The following FBH1 variants were observed in gnomAD, a reference collection of about 807,000 sequenced individuals.
The protein encoded by FBH1 is F-box DNA helicase 1, also known as DNA 3'-5' helicase 1.
Under a neutral mutation model 115.5 loss-of-function variants are expected in FBH1, and 43 were observed. The ratio of observed to expected loss-of-function variants is 0.37; its 90% CI spans 0.29 to 0.48. The LOEUF is 0.48. FBH1 is among the 20% of genes least tolerant of loss of function. The probability of loss-of-function intolerance (pLI) is 0.99; values close to 1 mark genes in which losing one functional copy is unlikely to be tolerated. For synonymous variants in FBH1, 524 were observed against 507.8 expected (o/e 1.03, Z -0.43); for missense variants, 1,001 against 1,337.3 (o/e 0.75, Z 3.92).
At position 5,913,919 on chromosome 10, in the gene FBH1, C is replaced by T; in HGVS notation, c.1304+80C>T. On this transcript the variant is annotated intron_variant, in intron 7 of 20. Transcript: ENST00000362091. The surrounding 1 kb of genome is among the most constrained non-coding windows in gnomAD (Gnocchi z 4.4). ...ACTTAAGGAGGGAGATGTTTTGCTTCACTTTAGCAACATCATTGAGGTTAA... is the reference window on the plus strand; with the variant it reads ...ACTTAAGGAGGGAGATGTTTTGCTTTACTTTAGCAACATCATTGAGGTTAA... 8.8e-7 allele frequency: 1 copy of T among 1,139,914 alleles called. No individual in the cohort carries two copies. The highest frequency in any genetic ancestry group is 1.3e-6 in the Non-Finnish European group (1 of 778,586). The allele number at this position is 1,139,914 out of a possible 1,614,324, so 70.6% of individuals were successfully genotyped here.
At chr10:5,930,650 T>G (rs1832916370) in intron 19 of FBH1, among the ~76,000 whole-genome samples, 1 of 152,230 alleles carries the variant, frequency 6.6e-6, no homozygotes, top group Admixed American at 6.5e-5. Context: ...GTGATGCTGA[T>G]TGCTCATCTT....
chr10:5,920,174 T>C (rs1832231359), intron 13 of FBH1, among the ~76,000 whole-genome samples: 1 of 152,264 alleles, frequency 6.6e-6, no homozygotes, highest in African/African-American at 2.4e-5. Context: ...CAGTCAGGCA[T>C]TTGTAGGCTG....
chr10:5,892,262 C>G (rs1279474526), intron 1 of FBH1, among the ~76,000 whole-genome samples: 1 of 151,968 alleles, frequency 6.6e-6, no homozygotes, highest in African/African-American at 2.4e-5. Context: ...CCTTGGCTGC[C>G]CTTCCTTTTC....
Position 5,910,787 on chromosome 10 carries a change from C to T in FBH1, c.1021-151C>T. On this transcript the variant is annotated intron_variant, in intron 5 of 20. Transcript: ENST00000362091. The surrounding 1 kb of genome is among the most constrained non-coding windows in gnomAD (Gnocchi z 4.8). ...CGAACAGAAGGGCTCCCCTGTTTCC[C>T]AAATACAACTTGGAAAGTTTGGATT... is the stretch of plus-strand genomic sequence containing the variant. 1 of 643,498 alleles carries T rather than the reference C, an allele frequency of 1.6e-6. No homozygotes were observed. The highest frequency in any genetic ancestry group is 4.3e-4 in the Middle Eastern group (1 of 2,306). The allele number at this position is 643,498 out of a possible 1,614,324, so 39.9% of individuals were successfully genotyped here. A position where few individuals can be genotyped will look rare whatever the true frequency, so the allele number is the denominator to read the frequency against.
In FBH1 at chr10:5,924,662, G is replaced by T; in HGVS notation, c.2596+154G>T. 1.3e-6 allele frequency: 1 copy of T among 758,396 alleles called. No homozygotes were observed. The allele number at this position is 758,396 out of a possible 1,614,324, so 47.0% of individuals were successfully genotyped here. A position where few individuals can be genotyped will look rare whatever the true frequency, so the allele number is the denominator to read the frequency against. On this transcript the variant is annotated intron_variant, in intron 17 of 20. Transcript: ENST00000362091. The surrounding 1 kb of genome is among the most constrained non-coding windows in gnomAD (Gnocchi z 6.2). Reference sequence around the variant, plus strand: ...GGCTCACTGCAATGCCCACCTTCTGGGTTCAAGCAATTATCCTGCCTCAGC... The same window carrying T: ...GGCTCACTGCAATGCCCACCTTCTGTGTTCAAGCAATTATCCTGCCTCAGC...
Position 5,906,233 on chromosome 10 carries a change from G to A in FBH1, c.354G>A (p.Pro118=), listed in dbSNP as rs147250809. Reference sequence around the variant, plus strand: ...GGCCGGGCTCACCAGGGTCTGCCCCGCCCTCCAGGAAGCGGTCTTGGTCCT... The same window carrying A: ...GGCCGGGCTCACCAGGGTCTGCCCCACCCTCCAGGAAGCGGTCTTGGTCCT... The part of the protein sequence containing the change: ...SAGPGSPGSA[P]PSRKRSWSSE... The change falls in exon 3 of 21, where the codon CCG becomes CCA. Residue 118 remains proline, a synonymous_variant. Coordinates refer to ENST00000362091, the MANE Select transcript of FBH1 (RefSeq NM_178150.3). This position sits in a 1 kb window ranked among gnomAD's most constrained non-coding sequence, Gnocchi z 7.3. 53 of 1,614,068 alleles carry A rather than the reference G, an allele frequency of 3.3e-5. No individual in the cohort carries two copies. Among genetic ancestry groups the A allele is most frequent in the Non-Finnish European group, 4.2e-5 (49 of 1,180,024 alleles).
At chr10:5,892,621 A>G (rs1046554287) in intron 1 of FBH1, among the ~76,000 whole-genome samples, 3 of 152,222 alleles carry the variant, frequency 2.0e-5, no homozygotes, top group Non-Finnish European at 4.4e-5. Context: ...ATGGTATTCC[A>G]CAGATAACTT....
At position 5,936,662 on chromosome 10, in the gene FBH1, G is replaced by T; in HGVS notation, c.2961+75G>T. ...TGTGAGCTCTGTGCTTATCTGGGTT[G>T]TAGGTGAGGAGATAAGAGAGAGCTG... On this transcript the variant is annotated intron_variant, in intron 20 of 20. Transcript: ENST00000362091. The surrounding 1 kb of genome is among the most constrained non-coding windows in gnomAD (Gnocchi z 5.6). The T allele has an allele frequency of 6.4e-7, 1 of 1,567,806 alleles. No individual in the cohort carries two copies. The highest frequency in any genetic ancestry group is 1.1e-5 in the South Asian group (1 of 89,218).
At chr10:5,893,809 G>A (rs1842863997) in intron 1 of FBH1, among the ~76,000 whole-genome samples, 2 of 152,186 alleles carry the variant, frequency 1.3e-5, no homozygotes, top group Non-Finnish European at 2.9e-5. Flanking sequence ...GATACCATAA[G>A]ACAAAGCTCT....
chr10:5,919,728 T>G (rs1012543978), intron 13 of FBH1, among the ~76,000 whole-genome samples: 4 of 152,238 alleles, frequency 2.6e-5, no homozygotes, highest in Non-Finnish European at 5.9e-5. Context: ...GTGATGTTAT[T>G]GAAAGTTCCG....
chr10:5,929,030 A>T (rs1403453036), intron 19 of FBH1, among the ~76,000 whole-genome samples: 2 of 152,126 alleles, frequency 1.3e-5, no homozygotes. Flanking sequence ...ACCACTTTTG[A>T]GTAAATGATA....
Position 5,917,511 on chromosome 10 carries a change from G to A in FBH1, c.1876+4G>A. ...GCGCACCAGATGACTCATGACGGTAGGCGGCTGCCGAATGGCGGGGACTGG... is the reference window on the plus strand; with the variant it reads ...GCGCACCAGATGACTCATGACGGTAAGCGGCTGCCGAATGGCGGGGACTGG... On this transcript the variant is annotated splice_donor_region_variant and intron_variant, in intron 11 of 20. Transcript: ENST00000362091. This position sits in a 1 kb window ranked among gnomAD's most constrained non-coding sequence, Gnocchi z 5.6. 6.2e-7 allele frequency: 1 copy of A among 1,614,180 alleles called. No homozygotes were observed. The highest frequency in any genetic ancestry group is 8.5e-7 in the Non-Finnish European group (1 of 1,180,004).
At chr10:5,894,533 G>C in intron 1 of FBH1, 1 of 834,448 alleles carries the variant, frequency 1.2e-6, no homozygotes, top group Non-Finnish European at 2.1e-6. Context: ...CTGAGCCCCA[G>C]CTTAATCATG....
Position 5,915,793 on chromosome 10 carries a change from T to C in FBH1, c.1565+222T>C. The C allele has an allele frequency of 1.8e-6, 1 of 553,782 alleles. No homozygotes were observed. Among genetic ancestry groups the C allele is most frequent in the Middle Eastern group, 4.8e-4 (1 of 2,090 alleles). The allele number at this position is 553,782 out of a possible 1,614,324, so 34.3% of individuals were successfully genotyped here. On this transcript the variant is annotated intron_variant, in intron 9 of 20. Transcript: ENST00000362091. The surrounding 1 kb of genome is among the most constrained non-coding windows in gnomAD (Gnocchi z 5.2). ...TATAATGCCGTCTTGCCAAGAGGGG[T>C]GTTCTCATGGAAGTGAGGCACAGAA...
chr10:5,902,209 G>A (rs1266852442), intron 1 of FBH1, among the ~76,000 whole-genome samples: 1 of 152,084 alleles, frequency 6.6e-6, no homozygotes, highest in Non-Finnish European at 1.5e-5. Context: ...TCGGGGGGCT[G>A]AGACATGTGT....
In FBH1 at chr10:5,897,737, A is replaced by G. The variant is rs1440995219; in HGVS notation, c.2-5283A>G. On this transcript the variant is annotated intron_variant, in intron 1 of 20. Coordinates refer to ENST00000362091, the MANE Select transcript of FBH1 (RefSeq NM_178150.3). This position sits in a 1 kb window ranked among gnomAD's most constrained non-coding sequence, Gnocchi z 4.7. ...TCCCAGGGTGGCTTCATGCCAGAAC[A>G]TATTGGAATATACCGGGACTCCCTT... Among the ~76,000 whole-genome samples the G allele has an allele frequency of 6.6e-6, 1 of 152,134 alleles. No homozygotes were observed. The highest frequency in any genetic ancestry group is 2.4e-5 in the African/African-American group (1 of 41,412).
intron 15 of FBH1, among the ~76,000 whole-genome samples, chr10:5,922,154 T>C (rs1197619230): frequency 6.6e-6 from 1 of 152,254 alleles, no homozygotes; most frequent in African/African-American, 2.4e-5. Context: ...TTCAAGAGCC[T>C]ACTATGCATT....
In FBH1 at chr10:5,927,333, C is replaced by A. The variant is rs142828004; in HGVS notation, c.2723-102C>A. ...CCAACAAATGTTGAGTGGTTTTCTG[C>A]GGGGAATGGGTGGGGGCTAGTAAAC... On this transcript the variant is annotated intron_variant, in intron 18 of 20. Transcript: ENST00000362091. The A allele has an allele frequency of 5.2e-6, 4 of 776,624 alleles. No individual in the cohort carries two copies. The East Asian group carries it at 1.1e-4, about 22-fold the overall frequency. The allele number at this position is 776,624 out of a possible 1,614,324, so 48.1% of individuals were successfully genotyped here.
At chr10:5,890,922 A>C (rs1842678645) in intron 1 of FBH1, 1 of 152,570 alleles carries the variant, frequency 6.6e-6, no homozygotes, top group Non-Finnish European at 1.5e-5. Flanking sequence ...CCAGTCACTT[A>C]ACCTCTCCAT....
Sources: allele counts gnomAD v4.1 joint callset (sites outside exome capture counted in the v4.1 genomes callset), GRCh38; gene constraint gnomAD v4.1.1; non-coding constraint Gnocchi (gnomAD v3.1); transcripts MANE v1.5; gene names NCBI Gene and HGNC (gene_info 2026-07-23, HGNC 2026-07-21).